DNAI4: variants seen among roughly 807,000 people sequenced by gnomAD.
The protein encoded by DNAI4 is dynein axonemal intermediate chain 4.
Under a neutral mutation model 105.8 loss-of-function variants are expected in DNAI4, and 85 were observed. The observed-to-expected ratio is 0.80, with a 90% confidence interval of 0.67 to 0.96. The LOEUF is 0.96. Among genes scored for constraint, DNAI4 ranks in the 40% least tolerant of loss-of-function variants. DNAI4 has a pLI of 0.00. For synonymous variants in DNAI4, 352 were observed against 331.5 expected, an observed-to-expected ratio of 1.06 and a Z score of -0.67; for missense variants, 1,014 against 1,005.6, an observed-to-expected ratio of 1.01 and a Z score of -0.11.
intron 7 of DNAI4, among the ~76,000 whole-genome samples, chr1:66,853,882 A>G (rs533481177): frequency 7.4e-4 from 112 of 152,356 alleles, no homozygotes; most frequent in African/African-American, 2.6e-3. Context: ...ATAAAGCCAA[A>G]AAAAGGAAAT....
chr1:66,898,957 G>T (rs1648571291), intron 2 of DNAI4, among the ~76,000 whole-genome samples: 1 of 152,036 alleles, frequency 6.6e-6, no homozygotes, highest in East Asian at 1.9e-4. Flanking sequence ...TTTTATGGTT[G>T]AATAATATTC....
chr1:66,834,461 T>A (rs547181659), intron 11 of DNAI4, among the ~76,000 whole-genome samples: 1 of 152,202 alleles, frequency 6.6e-6, no homozygotes, highest in South Asian at 2.1e-4. Context: ...CTTTTCTTAC[T>A]CTATTCATTA....
chr1:66,887,081 A>T (rs1166890904), intron 4 of DNAI4, among the ~76,000 whole-genome samples: 1 of 152,120 alleles, frequency 6.6e-6, no homozygotes, highest in African/African-American at 2.4e-5. Flanking sequence ...TCAGATCCTC[A>T]CTGAAAGAAT....
chr1:66,848,769 C>T (rs947886198), intron 7 of DNAI4, among the ~76,000 whole-genome samples: 9 of 152,106 alleles, frequency 5.9e-5, no homozygotes, highest in African/African-American at 2.2e-4. Context: ...AAAAAAATCC[C>T]CAAAAGAAGC....
At chr1:66,821,491 A>G (rs11800188) in intron 16 of DNAI4, among the ~76,000 whole-genome samples, 38,372 of 152,096 alleles carry the variant, frequency 0.25, 5,056 homozygotes, top group South Asian at 0.31. Context: ...GTATGAGAGG[A>G]CTCATCAAAT....
intron 6 of DNAI4, among the ~76,000 whole-genome samples, chr1:66,869,771 CT>C (rs1046253301): frequency 2.6e-5 from 4 of 152,162 alleles, no homozygotes; most frequent in African/African-American, 9.7e-5. Context: ...ATGTTGAGTC[CT>C]CCCCCTATAA....
At chr1:66,841,874 G>T (rs1222691861) in intron 8 of DNAI4, among the ~76,000 whole-genome samples, 1 of 152,158 alleles carries the variant, frequency 6.6e-6, no homozygotes, top group African/African-American at 2.4e-5. Context: ...TTCACGCACA[G>T]TATTGTATAT....
chr1:66,827,875 A>G lies in DNAI4; in HGVS notation c.2049T>C (p.Gly683=). 6.2e-7 allele frequency: 1 copy of G among 1,608,026 alleles called. No homozygotes were observed. Among genetic ancestry groups the G allele is most frequent in the East Asian group, 2.2e-5 (1 of 44,470 alleles). The change falls in exon 14 of 17, where the codon GGT becomes GGC. Residue 683 remains glycine, a synonymous_variant. Transcript: ENST00000371026. ...TNIYLAGTEE[G]HIHKCSCSYN... ...ATGAACAAGAACATTTGTGAATATG[A>G]CCTTCTTCAGTGCCAGCCAAATAGA...
At chr1:66,898,874 C>T (rs1231765131) in intron 2 of DNAI4, among the ~76,000 whole-genome samples, 1 of 152,160 alleles carries the variant, frequency 6.6e-6, no homozygotes. Context: ...GAATCATATA[C>T]TGTGCAGTAT....
chr1:66,816,169 G>T (rs914767682), intron 16 of DNAI4, among the ~76,000 whole-genome samples: 1 of 152,088 alleles, frequency 6.6e-6, no homozygotes, highest in African/African-American at 2.4e-5. Context: ...AAATTTTAAA[G>T]ATTAAAAGTT....
intron 3 of DNAI4, 123 bp downstream of exon 3, chr1:66,893,105 GA>G: frequency 2.1e-6 from 1 of 466,740 alleles, no homozygotes. Context: ...AAGAAAGAAA[GA>G]AAGAAAGAAA....
intron 4 of DNAI4, among the ~76,000 whole-genome samples, chr1:66,885,040 T>A (rs543655871): frequency 1.6e-4 from 24 of 152,352 alleles, no homozygotes; most frequent in African/African-American, 5.5e-4. Flanking sequence ...TGTATTTTCA[T>A]TTTCATTGAG....
At chr1:66,837,884 G>A in intron 9 of DNAI4, 88 bp from the exon 10 acceptor site, 1 of 1,218,972 alleles carries the variant, frequency 8.2e-7, no homozygotes, top group Non-Finnish European at 1.1e-6. Flanking sequence ...AATGAGCTGT[G>A]TTAAAAATAG....
In DNAI4 at chr1:66,893,117, G is replaced by GAA. The variant is rs1341452037; in HGVS notation, c.530+110_530+111dup. The GAA allele has an allele frequency of 7.7e-6, 4 of 517,110 alleles. No individual in the cohort carries two copies. In the East Asian group the frequency reaches 1.3e-4, roughly 17 times the overall value. 32.0% of individuals were successfully genotyped at this position (517,110 alleles called of 1,614,324 possible). A position where few individuals can be genotyped will look rare whatever the true frequency, so the allele number is the denominator to read the frequency against. On this transcript the variant is annotated intron_variant, in intron 3 of 16. Coordinates refer to ENST00000371026, the MANE Select transcript of DNAI4 (RefSeq NM_024763.5). The stretch of plus-strand genomic sequence containing the variant: ...AGAAAGAAAGAAAGAAAGAAAGAAA[G>GAA]AAAGAAACTGGGAGACTGGAGACAA...
At chr1:66,871,910 G>T (rs2100660840) in intron 5 of DNAI4, among the ~76,000 whole-genome samples, 1 of 152,262 alleles carries the variant, frequency 6.6e-6, no homozygotes, top group East Asian at 1.9e-4. Context: ...TTATTGCACT[G>T]TGGCCAGAAA....
At chr1:66,831,096 A>G (rs1557902324) in intron 13 of DNAI4, among the ~76,000 whole-genome samples, 1 of 151,878 alleles carries the variant, frequency 6.6e-6, no homozygotes, top group Non-Finnish European at 1.5e-5. Context: ...CAAATTCCTT[A>G]AAAGACAGAA....
At chr1:66,914,714 GA>G (rs201343042) in intron 1 of DNAI4, among the ~76,000 whole-genome samples, 10 of 141,106 alleles carry the variant, frequency 7.1e-5, no homozygotes, top group African/African-American at 7.8e-5. Context: ...AGGAAAAAAT[GA>G]AAAAAAAAAG....
chr1:66,832,122 G>C (rs80107869), intron 13 of DNAI4, among the ~76,000 whole-genome samples: 1 of 152,118 alleles, frequency 6.6e-6, no homozygotes, highest in South Asian at 2.1e-4. Context: ...GTTCCCTAAC[G>C]GGAAAATTCT....
In DNAI4 at chr1:66,873,239, T is replaced by C. The variant is rs1399132523; in HGVS notation, c.800+1542A>G. On this transcript the variant is annotated intron_variant, in intron 5 of 16. Transcript: ENST00000371026. Reference sequence around the variant, plus strand: ...CTCCTCTCCCTCCTCTTCTTCTTCCTTTTTTTTTTTTTTAGACATGGTCAC... The same window carrying C: ...CTCCTCTCCCTCCTCTTCTTCTTCCCTTTTTTTTTTTTTAGACATGGTCAC... Among the ~76,000 whole-genome samples the C allele has an allele frequency of 9.4e-5, 13 of 137,912 alleles. 2 individuals are homozygous for C. The highest frequency in any genetic ancestry group is 1.4e-4 in the Admixed American group (2 of 13,802). 90.5% of individuals were successfully genotyped at this position (137,912 alleles called of 152,430 possible).
Sources: gnomAD v4.1 joint callset for allele counts (sites outside exome capture counted in the v4.1 genomes callset) on GRCh38, gnomAD v4.1.1 for gene constraint, MANE v1.5 for transcripts, NCBI Gene and HGNC (gene_info 2026-07-23, HGNC 2026-07-21) for gene names.